The following SNX6 variants were observed in gnomAD, a reference collection of about 807,000 sequenced individuals.
SNX6 encodes sorting nexin-6.
SNX6 carries 34 observed loss-of-function variants against 63.0 expected under a neutral mutation model. The ratio of observed to expected loss-of-function variants is 0.54; its 90% confidence interval spans 0.41 to 0.72. The LOEUF is 0.72. SNX6 is among the 30% of genes least tolerant of loss of function. The pLI is 0.00. For synonymous variants in SNX6, 170 were observed against 164.2 expected (o/e 1.04, Z -0.27); for missense variants, 398 against 471.4 (o/e 0.84, Z 1.44).
rs139742341 is a variant in SNX6, at chr14:34,592,393, A to C, written c.718+652T>G. Among the ~76,000 whole-genome samples the C allele has an allele frequency of 4.6e-5, 7 of 152,236 alleles. No individual in the cohort carries two copies. In the East Asian group the frequency reaches 9.6e-4, roughly 21 times the overall value. ...GATAGAGACTCTGTCTCAAAGAAAA[A>C]AAAAAGAGCAAGTGCATGGCCGGAA... On this transcript the variant is annotated intron_variant, in intron 8 of 13. Coordinates refer to ENST00000362031, the MANE Select transcript of SNX6 (RefSeq NM_152233.4).
Position 34,562,865 on chromosome 14 carries a change from G to C in SNX6, c.*257C>G. On this transcript the variant is annotated 3_prime_UTR_variant, in exon 14 of 14. Transcript: ENST00000362031. ...TATAGAGGCTACTTTAAAGAAGAATGAACTTTGGACTTCTGAGTATGACGA... is the reference window on the plus strand; with the variant it reads ...TATAGAGGCTACTTTAAAGAAGAATCAACTTTGGACTTCTGAGTATGACGA... 4.5e-6 allele frequency: 2 copies of C among 447,772 alleles called. No homozygotes were observed. Among genetic ancestry groups the C allele is most frequent in the East Asian group, 7.2e-5 (2 of 27,814 alleles). 27.7% of individuals were successfully genotyped at this position (447,772 alleles called of 1,614,324 possible).
intron 9 of SNX6, 21 bp downstream of exon 9, chr14:34,586,209 G>A (rs772716825): frequency 5.8e-5 from 89 of 1,527,768 alleles, no homozygotes; most frequent in Admixed American, 5.1e-4. Context: ...CCTATTTCAC[G>A]TTTTAAATTA....
intron 2 of SNX6, chr14:34,629,611 C>A (rs1334925036): frequency 1.5e-6 from 1 of 656,742 alleles, no homozygotes; most frequent in Admixed American, 2.1e-5. Flanking sequence ...TCTCCCGCCT[C>A]CATTTCCACT....
intron 6 of SNX6, among the ~76,000 whole-genome samples, chr14:34,601,720 G>A (rs556340111): frequency 7.9e-5 from 12 of 151,572 alleles, no homozygotes; most frequent in East Asian, 4.0e-4. Context: ...TTAGCCTCCC[G>A]AGTAGCTGGG....
chr14:34,627,839 C>G (rs1479282191), intron 2 of SNX6, among the ~76,000 whole-genome samples: 1 of 152,006 alleles, frequency 6.6e-6, no homozygotes, highest in Non-Finnish European at 1.5e-5. Context: ...CCAGGCTGAT[C>G]TTGAATTCCT....
chr14:34,589,502 C>T (rs1253833198), intron 8 of SNX6, among the ~76,000 whole-genome samples: 1 of 151,406 alleles, frequency 6.6e-6, no homozygotes, highest in East Asian at 2.0e-4. Context: ...CATAAAGATT[C>T]TAAGAAGGGT....
intron 9 of SNX6, among the ~76,000 whole-genome samples, 177 bp from the exon 10 acceptor site, chr14:34,581,777 C>T (rs1881945250): frequency 6.6e-6 from 1 of 152,104 alleles, no homozygotes. Flanking sequence ...GTACTTCTAC[C>T]AATAAAACTG....
At chr14:34,573,137 T>C (rs1313840544) in intron 11 of SNX6, among the ~76,000 whole-genome samples, 1 of 152,100 alleles carries the variant, frequency 6.6e-6, no homozygotes, top group African/African-American at 2.4e-5. Context: ...CACCATGGCC[T>C]AGCTAATTTT....
intron 2 of SNX6, among the ~76,000 whole-genome samples, chr14:34,613,771 C>T (rs1254096255): frequency 6.7e-6 from 1 of 149,788 alleles, no homozygotes; most frequent in Admixed American, 6.7e-5. Flanking sequence ...CCAGCCTGGG[C>T]AAGAGCGAGA....
intron 3 of SNX6, among the ~76,000 whole-genome samples, chr14:34,608,741 T>C (rs1883112352): frequency 6.6e-6 from 1 of 152,136 alleles, no homozygotes; most frequent in East Asian, 1.9e-4. Context: ...AAAATAATAA[T>C]TTGTGGCTGG....
At chr14:34,621,167 A>C (rs181788500) in intron 2 of SNX6, among the ~76,000 whole-genome samples, 2 of 152,048 alleles carry the variant, frequency 1.3e-5, no homozygotes, top group Admixed American at 1.3e-4. Flanking sequence ...GACTGGTCTC[A>C]AACTCCTGGG....
At chr14:34,629,862 A>T in intron 2 of SNX6, 45 bp downstream of exon 2, 1 of 1,549,982 alleles carries the variant, frequency 6.5e-7, no homozygotes, top group South Asian at 1.2e-5. Flanking sequence ...CAGGATGGGG[A>T]AGGAGGGTCC....
intron 13 of SNX6, among the ~76,000 whole-genome samples, chr14:34,567,359 T>TGC (rs1881234359): frequency 6.6e-6 from 1 of 151,498 alleles, no homozygotes; most frequent in Admixed American, 6.6e-5. Context: ...TGGTGGCACA[T>TGC]ACCTGTAATC....
intron 2 of SNX6, among the ~76,000 whole-genome samples, chr14:34,614,712 GT>G (rs1384890540): frequency 6.6e-6 from 1 of 152,136 alleles, no homozygotes; most frequent in Admixed American, 6.6e-5. Context: ...GAGCCCAGGA[GT>G]TTGAGACCAG....
chr14:34,564,124 T>C lies in SNX6; in HGVS notation c.1168-949A>G, dbSNP rs1343021777. Among the ~76,000 whole-genome samples, 29 of 151,986 alleles carry C rather than the reference T, an allele frequency of 1.9e-4. 1 individual carries two copies. The highest frequency in any genetic ancestry group is 1.9e-3 in the Admixed American group (29 of 15,250). On this transcript the variant is annotated intron_variant, in intron 13 of 13. Coordinates refer to ENST00000362031, the MANE Select transcript of SNX6 (RefSeq NM_152233.4). ...CTCAGTGCAACCTCTGCCTCCCGGG[T>C]TCAAGCGATCCTTCTGGCTCAGCCT...
chr14:34,581,900 C>T (rs1375311158), intron 9 of SNX6, among the ~76,000 whole-genome samples: 2 of 152,112 alleles, frequency 1.3e-5, no homozygotes, highest in Non-Finnish European at 2.9e-5. Context: ...GCAATCTCAG[C>T]TCACTGTAAC....
At chr14:34,583,333 C>T (rs1882018453) in intron 9 of SNX6, among the ~76,000 whole-genome samples, 1 of 151,998 alleles carries the variant, frequency 6.6e-6, no homozygotes, top group Admixed American at 6.6e-5. Context: ...AAAAAATAGT[C>T]TGGTGCTGGG....
Position 34,567,101 on chromosome 14 carries a change from G to A in SNX6, c.1167+585C>T, listed in dbSNP as rs139940144. 1.1e-3 allele frequency among the ~76,000 whole-genome samples: 172 copies of A among 152,114 alleles called. 2 individuals are homozygous for A. The East Asian group carries it at 0.03, about 27-fold the overall frequency. ...TAGCTGGGTGTGGTGGCACGCACCTGTAGTCCTAGCTACTCGGGAGGCTGA... is the reference window on the plus strand; with the variant it reads ...TAGCTGGGTGTGGTGGCACGCACCTATAGTCCTAGCTACTCGGGAGGCTGA... On this transcript the variant is annotated intron_variant, in intron 13 of 13. Transcript: ENST00000362031.
chr14:34,625,384 G>A (rs1251963517), intron 2 of SNX6, among the ~76,000 whole-genome samples: 1 of 152,164 alleles, frequency 6.6e-6, no homozygotes, highest in Admixed American at 6.6e-5. Flanking sequence ...ATAACTTTCT[G>A]CAGCAGTAAT....
Sources: allele counts gnomAD v4.1 joint callset (sites outside exome capture counted in the v4.1 genomes callset), GRCh38; gene constraint gnomAD v4.1.1; transcripts MANE v1.5; gene names NCBI Gene and HGNC (gene_info 2026-07-23, HGNC 2026-07-21).